The following NEGR1 variants were observed in gnomAD, a reference collection of about 807,000 sequenced individuals.
NEGR1 encodes neuronal growth regulator 1, also known as IgLON family member 4.
NEGR1 carries 10 observed loss-of-function variants against 40.9 expected under a neutral mutation model. That is an observed-to-expected ratio of 0.24 (90% CI 0.15 to 0.42). The LOEUF is 0.42. Ranked by LOEUF, NEGR1 falls within the 10% of genes least tolerant of loss-of-function variation. NEGR1 has a pLI of 1.00. For synonymous variants in NEGR1, 185 were observed against 166.8 expected, an observed-to-expected ratio of 1.11 and a Z score of -0.84; for missense variants, 352 against 438.9, an observed-to-expected ratio of 0.80 and a Z score of 1.77.
intron 6 of NEGR1, among the ~76,000 whole-genome samples, chr1:71,567,510 T>C (rs1648656741): frequency 2.0e-5 from 3 of 152,188 alleles, no homozygotes; most frequent in Non-Finnish European, 2.9e-5. Flanking sequence ...TATTTATATG[T>C]AGCTGCTTTT....
intron 6 of NEGR1, chr1:71,463,350 T>TCAA: frequency 6.6e-6 from 1 of 152,264 alleles, no homozygotes; most frequent in Non-Finnish European, 1.5e-5. Context: ...AGAATTGCTC[T>TCAA]GTTGAAGTTT....
intron 1 of NEGR1, among the ~76,000 whole-genome samples, chr1:72,016,097 CT>C (rs1646707489): frequency 6.6e-6 from 1 of 152,040 alleles, no homozygotes; most frequent in African/African-American, 2.4e-5. Context: ...CCCTTTTTAA[CT>C]TAATTTTTTT....
intron 1 of NEGR1, among the ~76,000 whole-genome samples, chr1:72,170,076 CT>C (rs1229275125): frequency 6.6e-6 from 1 of 152,076 alleles, no homozygotes; most frequent in South Asian, 2.1e-4. Flanking sequence ...TTTAAAACAT[CT>C]TTTATAAAAT....
At chr1:72,174,971 TTTA>T (rs1570081189) in intron 1 of NEGR1, among the ~76,000 whole-genome samples, 1 of 151,870 alleles carries the variant, frequency 6.6e-6, no homozygotes, top group Non-Finnish European at 1.5e-5. Flanking sequence ...TTTATTTTAT[TTTA>T]TTATTATTAT....
intron 1 of NEGR1, among the ~76,000 whole-genome samples, chr1:72,088,794 CTCTTTTTTTTT>C (rs1173290466): frequency 7.9e-5 from 8 of 101,270 alleles, no homozygotes; most frequent in Non-Finnish European, 1.3e-4. Context: ...TTCTCTCTCT[CTCTTTTTTTTT>C]TTTTTTTTTT....
intron 1 of NEGR1, among the ~76,000 whole-genome samples, chr1:71,949,559 T>C (rs113273773): frequency 6.6e-6 from 1 of 152,276 alleles, no homozygotes; most frequent in African/African-American, 2.4e-5. Flanking sequence ...AAAGAAAAGA[T>C]GACATATTCT....
intron 1 of NEGR1, chr1:72,101,026 C>A (rs1386141750): frequency 6.6e-6 from 1 of 152,180 alleles, no homozygotes; most frequent in Non-Finnish European, 1.5e-5. Context: ...CCTCATCTAA[C>A]CCTACTTATC....
chr1:72,101,470 A>T (rs1350167076), intron 1 of NEGR1, among the ~76,000 whole-genome samples: 1 of 152,186 alleles, frequency 6.6e-6, no homozygotes, highest in Admixed American at 6.5e-5. Context: ...AATTAAAATA[A>T]AACCAAATTA....
chr1:71,919,662 A>G (rs570714595), intron 2 of NEGR1, among the ~76,000 whole-genome samples: 54 of 152,268 alleles, frequency 3.5e-4, no homozygotes, highest in African/African-American at 1.2e-3. Context: ...GTTTTGGCCA[A>G]TGTAACAGCT....
chr1:71,856,265 C>T (rs1659757792), intron 2 of NEGR1, among the ~76,000 whole-genome samples: 1 of 152,014 alleles, frequency 6.6e-6, no homozygotes, highest in Non-Finnish European at 1.5e-5. Flanking sequence ...AAGGAGCCAT[C>T]TGTACAGAAT....
chr1:71,996,368 T>C (rs1646504888), intron 1 of NEGR1, among the ~76,000 whole-genome samples: 1 of 152,148 alleles, frequency 6.6e-6, no homozygotes, highest in South Asian at 2.1e-4. Flanking sequence ...AAATAAGCAC[T>C]TGCTATTTCT....
intron 1 of NEGR1, among the ~76,000 whole-genome samples, chr1:72,182,888 A>G (rs530958393): frequency 1.3e-5 from 2 of 152,124 alleles, no homozygotes; most frequent in South Asian, 4.1e-4. Flanking sequence ...AGCAAGTTCT[A>G]TTTGTGACAC....
At chr1:71,823,026 G>A (rs762974335) in intron 2 of NEGR1, among the ~76,000 whole-genome samples, 18 of 151,938 alleles carry the variant, frequency 1.2e-4, no homozygotes, top group Non-Finnish European at 1.8e-4. Flanking sequence ...ATGGTGCTGC[G>A]TCCCTGTTAG....
At chr1:72,086,364 T>C (rs781443161) in intron 1 of NEGR1, among the ~76,000 whole-genome samples, 7 of 152,188 alleles carry the variant, frequency 4.6e-5, no homozygotes, top group Non-Finnish European at 8.8e-5. Flanking sequence ...ACACTATCTA[T>C]TGTTTTGCAC....
chr1:71,957,063 A>G (rs536044997), intron 1 of NEGR1, among the ~76,000 whole-genome samples: 1 of 152,286 alleles, frequency 6.6e-6, no homozygotes, highest in African/African-American at 2.4e-5. Context: ...GGACTCTCAA[A>G]GAGACAGAAA....
intron 3 of NEGR1, among the ~76,000 whole-genome samples, chr1:71,730,569 T>TATATATATATA (rs1553161610): frequency 0.011 from 1,443 of 134,642 alleles, 15 homozygotes; most frequent in Non-Finnish European, 0.017. Context: ...TAGTATAAAT[T>TATATATATATA]TATATATATA....
intron 6 of NEGR1, among the ~76,000 whole-genome samples, chr1:71,506,800 C>A (rs1647037631): frequency 6.6e-6 from 1 of 151,300 alleles, no homozygotes; most frequent in South Asian, 2.1e-4. Context: ...GGATAAAAAA[C>A]AAAAACAAAA....
intron 6 of NEGR1, among the ~76,000 whole-genome samples, chr1:71,464,125 T>A (rs1426973746): frequency 1.3e-5 from 2 of 152,096 alleles, no homozygotes; most frequent in African/African-American, 4.8e-5. Context: ...TTTAGTCTTC[T>A]GTCAACAGCT....
At chr1:71,570,520 A>C (rs1220638585) in intron 6 of NEGR1, among the ~76,000 whole-genome samples, 2 of 152,200 alleles carry the variant, frequency 1.3e-5, no homozygotes, top group Non-Finnish European at 2.9e-5. Context: ...AAGATGCAAT[A>C]CAAAATCACT....
Sources: allele counts gnomAD v4.1 joint callset (sites outside exome capture counted in the v4.1 genomes callset), GRCh38; gene constraint gnomAD v4.1.1; transcripts MANE v1.5; gene names NCBI Gene and HGNC (gene_info 2026-07-23, HGNC 2026-07-21).